The following TBL2 variants were observed in gnomAD, a reference collection of about 807,000 sequenced individuals.
TBL2 encodes the protein transducin beta-like protein 2.
Under a neutral mutation model 41.8 loss-of-function variants are expected in TBL2, and 33 were observed. The observed-to-expected ratio is 0.79, with a 90% CI of 0.60 to 1.06. The LOEUF (loss-of-function observed/expected upper bound fraction) is 1.06, where lower values mean the gene tolerates loss of function less well. Among genes scored for constraint, TBL2 ranks in the 50% least tolerant of loss-of-function variants. TBL2 has a pLI of 0.00. For missense variants in TBL2, 522 were observed against 603.8 expected, an observed-to-expected ratio of 0.86 and a Z score of 1.42; for synonymous variants, 239 against 241.7, an observed-to-expected ratio of 0.99 and a Z score of 0.10.
intron 5 of TBL2, 107 bp from the exon 6 acceptor site, chr7:73,571,448 T>A: frequency 6.7e-7 from 1 of 1,492,080 alleles, no homozygotes; most frequent in Non-Finnish European, 9.1e-7. Context: ...CATATCTGGA[T>A]AATATAAACC....
intron 5 of TBL2, among the ~76,000 whole-genome samples, chr7:73,572,593 C>G (rs559690522): frequency 6.6e-6 from 1 of 152,228 alleles, no homozygotes; most frequent in African/African-American, 2.4e-5. Context: ...TGTGCTCCAG[C>G]CTGGGTGACA....
Position 73,570,204 on chromosome 7 carries a change from C to G in TBL2, c.*303G>C. 1 of 305,188 alleles carries G rather than the reference C, an allele frequency of 3.3e-6. No individual in the cohort carries two copies. The highest frequency in any genetic ancestry group is 6.0e-6 in the Non-Finnish European group (1 of 166,970). The allele number at this position is 305,188 out of a possible 1,614,324, so 18.9% of individuals were successfully genotyped here. A position where few individuals can be genotyped will look rare whatever the true frequency, so the allele number is the denominator to read the frequency against. ...TGTGCTGCCACAAGGCCAAAAATCA[C>G]ATTCTCTCTCTCTCTCCTCTCCTCT... On this transcript the variant is annotated 3_prime_UTR_variant, in exon 7 of 7. Coordinates refer to ENST00000305632, the MANE Select transcript of TBL2 (RefSeq NM_012453.4).
At chr7:73,573,115 G>C in intron 4 of TBL2, 145 bp from the exon 5 acceptor site, 1 of 1,397,396 alleles carries the variant, frequency 7.2e-7, no homozygotes, top group Non-Finnish European at 9.7e-7. Flanking sequence ...CTCTGCTGAA[G>C]ACTGTGGCCC....
chr7:73,571,252 G>C lies in TBL2; in HGVS notation c.815C>G (p.Ala272Gly). ...KKGEFQEVVR[A>G]FELKGHSAAV... Reference sequence around the variant, plus strand: ...CGCGGAGTGGCCCTTTAGTTCGAAGGCTCGCACCACCTCCTGGAACTCCCC... The same window carrying C: ...CGCGGAGTGGCCCTTTAGTTCGAAGCCTCGCACCACCTCCTGGAACTCCCC... Residue 272 changes from alanine (A) to glycine (G), a missense_variant, in exon 6 of 7, where the codon GCC (alanine) becomes GGC (glycine). Transcript: ENST00000305632. The C allele has an allele frequency of 6.2e-7, 1 of 1,614,204 alleles. No homozygotes were observed. Among genetic ancestry groups the C allele is most frequent in the Non-Finnish European group, 8.5e-7 (1 of 1,180,042 alleles).
At chr7:73,572,819 G>A (rs1793043137) in intron 5 of TBL2, 25 bp downstream of exon 5, 4 of 1,613,820 alleles carry the variant, frequency 2.5e-6, no homozygotes, top group Non-Finnish European at 3.4e-6. Flanking sequence ...CGTGGTCCCA[G>A]ACGCCAATAC....
Position 73,573,455 on chromosome 7 carries a change from G to C in TBL2, c.463C>G (p.Leu155Val). 6.2e-7 allele frequency: 1 copy of C among 1,614,064 alleles called. No homozygotes were observed. Among genetic ancestry groups the C allele is most frequent in the Non-Finnish European group, 8.5e-7 (1 of 1,180,010 alleles). ...ACACGGAGGGTGTCCCCGTTGGCCA[G>C]CCAGACGATGAAGGCTCTAGAGACA... Reference protein sequence around the residue: ...SPDCRAFIVWLANGDTLRVFK... With the variant: ...SPDCRAFIVWVANGDTLRVFK... Residue 155 changes from leucine to valine, a missense_variant, in exon 4 of 7, where the codon CTG becomes GTG. Leu to Val is a conservative substitution (Grantham distance 32). Transcript: ENST00000305632.
In TBL2 at chr7:73,572,922, C is replaced by T. The variant is rs781948720; in HGVS notation, c.647G>A (p.Ser216Asn). The T allele has an allele frequency of 1.2e-6, 2 of 1,614,194 alleles. No homozygotes were observed. Among genetic ancestry groups the T allele is most frequent in the Non-Finnish European group, 1.7e-6 (2 of 1,180,040 alleles). The change falls in exon 5 of 7, where the codon AGC becomes AAC. Residue 216 changes from serine to asparagine, a missense_variant. By Grantham distance (46) the Ser-to-Asn change is conservative. Coordinates refer to ENST00000305632, the MANE Select transcript of TBL2 (RefSeq NM_012453.4). ...ASSDTTVLIW[S>N]LKGQVLSTIN... ...GGTAGACAGCACTTGACCCTTCAGG[C>T]TCCAGATGAGGACAGTGGTGTCACT...
intron 5 of TBL2, among the ~76,000 whole-genome samples, chr7:73,572,534 T>C (rs1172942274): frequency 2.0e-5 from 3 of 152,162 alleles, no homozygotes; most frequent in African/African-American, 7.2e-5. Context: ...GCTGGGAGAA[T>C]AGCTACAACC....
rs984900275 is a variant in TBL2 at position 73,578,128 on chromosome 7, C to G, written c.130+292G>C. 1.9e-5 allele frequency: 17 copies of G among 881,410 alleles called. No individual in the cohort carries two copies. In the African/African-American group the frequency reaches 2.8e-4, roughly 15 times the overall value. The allele number at this position is 881,410 out of a possible 1,614,324, so 54.6% of individuals were successfully genotyped here. A position where few individuals can be genotyped will look rare whatever the true frequency, so the allele number is the denominator to read the frequency against. On this transcript the variant is annotated intron_variant, in intron 1 of 6. Coordinates refer to ENST00000305632, the MANE Select transcript of TBL2 (RefSeq NM_012453.4). Reference sequence around the variant, plus strand: ...TCCGAGATCGCGGCCACGGAGCAGGCTGAAGAGTTTACGGTGCTCTCCTGG... The same window carrying G: ...TCCGAGATCGCGGCCACGGAGCAGGGTGAAGAGTTTACGGTGCTCTCCTGG...
chr7:73,571,295 C>T lies in TBL2; in HGVS notation c.772G>A (p.Val258Ile), dbSNP rs1792935383. The change falls in exon 6 of 7, where the codon GTC (valine) becomes ATC (isoleucine). Residue 258 changes from valine to isoleucine, a missense_variant. Physicochemically the swap from Val to Ile is conservative, Grantham distance 29 (BLOSUM62 3). Transcript: ENST00000305632. ...AACTCCCCCTTCTTTCCAAAGCAGA[C>T]TTCCCAAACCTTCACATCTGGGGTG... The part of the protein sequence containing the change: ...GFTPDVKVWE[V>I]CFGKKGEFQE... 6.2e-7 allele frequency: 1 copy of T among 1,614,110 alleles called. No individual in the cohort carries two copies. The highest frequency in any genetic ancestry group is 2.2e-5 in the East Asian group (1 of 44,896).
intron 5 of TBL2, 88 bp downstream of exon 5, chr7:73,572,756 C>T: frequency 1.3e-6 from 2 of 1,585,594 alleles, no homozygotes; most frequent in South Asian, 1.1e-5. Flanking sequence ...ATGCTCTTCC[C>T]ACGCGATGAA....
At chr7:73,576,076 T>C (rs1180881818) in intron 1 of TBL2, among the ~76,000 whole-genome samples, 1 of 150,956 alleles carries the variant, frequency 6.6e-6, no homozygotes, top group African/African-American at 2.4e-5. Context: ...GGAGATTGAA[T>C]TGGATGAGAT....
At chr7:73,577,362 G>A (rs534321183) in intron 1 of TBL2, among the ~76,000 whole-genome samples, 1 of 151,524 alleles carries the variant, frequency 6.6e-6, no homozygotes, top group African/African-American at 2.4e-5. Context: ...GATCACCTGA[G>A]ATCAGGCGTT....
chr7:73,573,060 A>AGT, intron 4 of TBL2, 90 bp from the exon 5 acceptor site: 1 of 1,567,604 alleles, frequency 6.4e-7, no homozygotes, highest in Non-Finnish European at 8.7e-7. Flanking sequence ...TGCTGCCCGA[A>AGT]GTATACATGT....
At chr7:73,574,558 C>A (rs192361739) in intron 1 of TBL2, 45 bp from the exon 2 acceptor site, 688 of 1,613,542 alleles carry the variant, frequency 4.3e-4, no homozygotes, top group Non-Finnish European at 4.5e-4. Context: ...CACTGATAAG[C>A]ATTTACTGCC....
At chr7:73,577,264 C>CA (rs34760825) in intron 1 of TBL2, among the ~76,000 whole-genome samples, 38,597 of 97,822 alleles carry the variant, frequency 0.39, 8,081 homozygotes, top group South Asian at 0.55. Context: ...CGTCCCCCTG[C>CA]AAAAAAAAAA....
intron 1 of TBL2, 180 bp from the exon 2 acceptor site, chr7:73,574,693 G>A (rs1584033174): frequency 1.3e-6 from 1 of 774,264 alleles, no homozygotes; most frequent in East Asian, 2.7e-5. Flanking sequence ...GGGTATGGTG[G>A]CTCATGCCTG....
intron 3 of TBL2, among the ~76,000 whole-genome samples, 165 bp from the exon 4 acceptor site, chr7:73,573,636 G>T (rs1358226802): frequency 6.6e-6 from 1 of 152,074 alleles, no homozygotes; most frequent in Non-Finnish European, 1.5e-5. Context: ...TCCTCAAAAG[G>T]TAAGATTCTG....
At position 73,573,380 on chromosome 7, in the gene TBL2, G is replaced by C; in HGVS notation, c.538C>G (p.Pro180Ala). Reference protein sequence around the residue: ...EDGGYTFTATPEDFPKKHKAP... With the variant: ...EDGGYTFTATAEDFPKKHKAP... ...TTGTGCTTTTTAGGGAAGTCCTCTG[G>C]GGTGGCTGTGAAGGTGTAGCCCCCA... is the stretch of plus-strand genomic sequence containing the variant. The change falls in exon 4 of 7, where the codon CCA becomes GCA. Residue 180 changes from proline to alanine, a missense_variant. Transcript: ENST00000305632. 1.2e-6 allele frequency: 2 copies of C among 1,614,158 alleles called. No homozygotes were observed. Among genetic ancestry groups the C allele is most frequent in the Non-Finnish European group, 1.7e-6 (2 of 1,180,032 alleles).
Sources: allele counts gnomAD v4.1 joint callset (sites outside exome capture counted in the v4.1 genomes callset), GRCh38; gene constraint gnomAD v4.1.1; transcripts MANE v1.5; gene names NCBI Gene and HGNC (gene_info 2026-07-23, HGNC 2026-07-21).